The following EIF4B variants were observed in gnomAD, a reference collection of about 807,000 sequenced individuals.
The protein encoded by EIF4B is eukaryotic translation initiation factor 4B.
EIF4B carries 8 observed loss-of-function variants against 79.3 expected under a neutral mutation model. That is an observed-to-expected ratio of 0.10 (90% CI 0.06 to 0.18). The LOEUF (loss-of-function observed/expected upper bound fraction) is 0.18, where lower values mean the gene tolerates loss of function less well. Among genes scored for constraint, EIF4B ranks in the 10% least tolerant of loss-of-function variants. EIF4B has a pLI of 1.00. For missense variants in EIF4B, 515 were observed against 792.4 expected, an observed-to-expected ratio of 0.65 and a Z score of 4.20; for synonymous variants, 238 against 274.7, an observed-to-expected ratio of 0.87 and a Z score of 1.32.
chr12:53,027,137 A>AATTTTTTTTTTTTTTTTTTTTTT (rs1491387300), intron 6 of EIF4B, among the ~76,000 whole-genome samples: 1 of 25,722 alleles, frequency 3.9e-5, no homozygotes, highest in East Asian at 1.7e-3. Flanking sequence ...AAAAAAAAAA[A>AATTTTTTTTTTTTTTTTTTTTTT]TTTTTTTTTT....
intron 10 of EIF4B, among the ~76,000 whole-genome samples, chr12:53,036,904 T>C (rs1943549970): frequency 6.6e-6 from 1 of 152,184 alleles, no homozygotes; most frequent in Admixed American, 6.5e-5. Context: ...CAGGCTGGTC[T>C]GAAACTCTTA....
At chr12:53,012,440 G>A (rs1425367930) in intron 1 of EIF4B, among the ~76,000 whole-genome samples, 3 of 151,450 alleles carry the variant, frequency 2.0e-5, no homozygotes, top group African/African-American at 2.4e-5. Flanking sequence ...GGTAATCCTC[G>A]CTACTTGGGA....
intron 2 of EIF4B, 39 bp from the exon 3 acceptor site, chr12:53,018,757 GAA>G (rs1943188254): frequency 6.2e-7 from 1 of 1,604,938 alleles, no homozygotes; most frequent in East Asian, 2.2e-5. Flanking sequence ...AGTAGTGAGA[GAA>G]GTTTCTTCTA....
chr12:53,013,798 AC>A (rs1943104526), intron 1 of EIF4B: 1 of 151,624 alleles, frequency 6.6e-6, no homozygotes, highest in Admixed American at 6.6e-5. Context: ...AAAAAAAAAA[AC>A]CTTTGCATAT....
At chr12:53,021,943 G>C in intron 5 of EIF4B, 83 bp downstream of exon 5, 1 of 1,518,438 alleles carries the variant, frequency 6.6e-7, no homozygotes, top group South Asian at 1.1e-5. Flanking sequence ...TTTGAATAGG[G>C]GTAGTGGTGG....
At chr12:53,014,570 G>A (rs1943118317) in intron 1 of EIF4B, 1 of 152,214 alleles carries the variant, frequency 6.6e-6, no homozygotes, top group African/African-American at 2.4e-5. Flanking sequence ...CATCTGGTTT[G>A]CACATTGAGA....
intron 2 of EIF4B, 141 bp downstream of exon 2, chr12:53,016,751 C>T: frequency 7.9e-7 from 1 of 1,272,844 alleles, no homozygotes. Context: ...TTTATAGAAT[C>T]TAAGGTTTAA....
chr12:53,017,544 T>C (rs900137143), intron 2 of EIF4B, among the ~76,000 whole-genome samples: 20 of 152,190 alleles, frequency 1.3e-4, no homozygotes, highest in Non-Finnish European at 2.9e-4. Flanking sequence ...GAAAATCGTT[T>C]ATTGCATGCT....
intron 6 of EIF4B, among the ~76,000 whole-genome samples, chr12:53,026,213 T>G (rs1335421098): frequency 6.6e-6 from 1 of 152,234 alleles, no homozygotes; most frequent in East Asian, 1.9e-4. Context: ...ATTCAGATTT[T>G]TTTTTTAACT....
At chr12:53,020,259 G>A (rs915698967) in intron 4 of EIF4B, among the ~76,000 whole-genome samples, 8 of 152,140 alleles carry the variant, frequency 5.3e-5, no homozygotes, top group African/African-American at 1.9e-4. Context: ...GGAAAGTTGT[G>A]GAAGAAACCC....
chr12:53,016,683 C>T, intron 2 of EIF4B, 73 bp downstream of exon 2: 1 of 1,493,798 alleles, frequency 6.7e-7, no homozygotes, highest in African/African-American at 1.4e-5. Flanking sequence ...TAATAATTCA[C>T]ATCGTTTGTA....
chr12:53,007,512 T>A (rs1012255132), intron 1 of EIF4B, among the ~76,000 whole-genome samples: 1 of 151,098 alleles, frequency 6.6e-6, no homozygotes, highest in South Asian at 2.1e-4. Context: ...CTGGAGTTGC[T>A]TACTTCTTTA....
intron 10 of EIF4B, 43 bp from the exon 11 acceptor site, chr12:53,037,366 A>G (rs771022021): frequency 6.3e-7 from 1 of 1,583,388 alleles, no homozygotes; most frequent in Non-Finnish European, 8.6e-7. Context: ...ATGCGTGAGC[A>G]TCTGCAGCCT....
chr12:53,037,911 T>G (rs1592229386), intron 11 of EIF4B: 1 of 423,316 alleles, frequency 2.4e-6, no homozygotes, highest in South Asian at 3.0e-5. Flanking sequence ...GGCAGTATGG[T>G]AGGGGGTAAC....
At chr12:53,038,816 CA>C (rs58565330) in intron 12 of EIF4B, 127,747 of 157,828 alleles carry the variant, frequency 0.81, 53,704 homozygotes, top group Non-Finnish European at 0.92. Context: ...GACTCTGTCT[CA>C]AAAAAAAAAG....
At chr12:53,031,529 G>A (rs781508978) in intron 8 of EIF4B, among the ~76,000 whole-genome samples, 1 of 152,214 alleles carries the variant, frequency 6.6e-6, no homozygotes, top group African/African-American at 2.4e-5. Context: ...ACTTGCCCTC[G>A]GCCTACCAAA....
chr12:53,016,686 C>T (rs149552255), intron 2 of EIF4B, 76 bp downstream of exon 2: 2 of 1,483,942 alleles, frequency 1.3e-6, no homozygotes, highest in Admixed American at 2.5e-5. Flanking sequence ...TAATTCACAT[C>T]GTTTGTAATC....
At chr12:53,019,437 A>ATATATTTTTTTTCTTTTTTTTTTTTTTTT (rs1943205076) in intron 3 of EIF4B, among the ~76,000 whole-genome samples, 2 of 51,026 alleles carry the variant, frequency 3.9e-5, no homozygotes, top group South Asian at 9.6e-4. Context: ...ATATATATAT[A>ATATATTTTTTTTCTTTTTTTTTTTTTTTT]TTTTTTTTTT....
intron 1 of EIF4B, among the ~76,000 whole-genome samples, chr12:53,007,846 C>T (rs1412996928): frequency 6.6e-6 from 1 of 152,140 alleles, no homozygotes; most frequent in Non-Finnish European, 1.5e-5. Context: ...CACTTTTGTG[C>T]ATGTTGTCTC....
Sources: gnomAD v4.1 joint callset for allele counts (sites outside exome capture counted in the v4.1 genomes callset) on GRCh38, gnomAD v4.1.1 for gene constraint, MANE v1.5 for transcripts, NCBI Gene and HGNC (gene_info 2026-07-23, HGNC 2026-07-21) for gene names.